The following IGDCC4 variants were observed in gnomAD, a reference collection of about 807,000 sequenced individuals.
IGDCC4 encodes immunoglobulin superfamily DCC subclass member 4, also known as likely ortholog of mouse neighbor of Punc E11.
In IGDCC4, 72 loss-of-function variants were observed where a neutral mutation model predicts 116.6. That is an observed-to-expected ratio of 0.62 (90% CI 0.51 to 0.75). The LOEUF (loss-of-function observed/expected upper bound fraction) is 0.75. Ranked by LOEUF, IGDCC4 falls within the 30% of genes least tolerant of loss-of-function variation. The pLI is 0.00. For missense variants in IGDCC4, 1,501 were observed against 1,662.4 expected, an observed-to-expected ratio of 0.90 and a Z score of 1.69; for synonymous variants, 709 against 719.9, an observed-to-expected ratio of 0.98 and a Z score of 0.24.
rs536531267 is a variant in IGDCC4 at position 65,382,448 on chromosome 15, C to T, written c.*1561G>A. On this transcript the variant is annotated 3_prime_UTR_variant, in exon 20 of 20. Transcript: ENST00000352385. ...AAAAGGAAAAATGGACTGGTTATTT[C>T]GAATTTGGCCCAGAAGGCAGAGTTA... 1.1e-3 allele frequency: 162 copies of T among 150,234 alleles called. No individual in the cohort carries two copies. The highest frequency in any genetic ancestry group is 3.8e-3 in the African/African-American group (155 of 40,676). 9.3% of individuals were successfully genotyped at this position (150,234 alleles called of 1,614,324 possible). A position where few individuals can be genotyped will look rare whatever the true frequency, so the allele number is the denominator to read the frequency against.
Position 65,393,471 on chromosome 15 carries a change from T to G in IGDCC4, c.1775A>C (p.Gln592Pro), listed in dbSNP as rs777784378. Residue 592 changes from glutamine (Q) to proline (P), a missense_variant, in exon 10 of 20, where the codon CAG becomes CCG. Around this residue, in one of 3 missense-constraint regions of IGDCC4, gnomAD observed 898 missense variants for 978.9 expected, o/e 0.92. Coordinates refer to ENST00000352385, the MANE Select transcript of IGDCC4 (RefSeq NM_020962.3). The surrounding 1 kb of genome is among the most constrained non-coding windows in gnomAD (Gnocchi z 4.6). ...CCGTACTCGATACACCTTGTTTGGC[T>G]GAAGCGAGTTCAGCATAAGCTGTGT... ...NETQLMLNSL[Q>P]PNKVYRVRIS... 1.4e-5 allele frequency: 22 copies of G among 1,613,234 alleles called. No individual in the cohort carries two copies. The highest frequency in any genetic ancestry group is 3.3e-4 in the Middle Eastern group (2 of 6,056).
At position 65,395,104 on chromosome 15, in the gene IGDCC4, T is replaced by C. The variant is rs1224316775; in HGVS notation, c.1566A>G (p.Thr522=). The part of the protein sequence containing the change: ...SRTSTPALVH[T]LDDVPSAAPQ... ...GTTCAGAGGCCCTACCATCATCCAG[T>C]GTGTGCACCAGTGCTGGGGTGGAGG... Residue 522 remains threonine (T), a synonymous_variant, in exon 8 of 20, where the codon ACA becomes ACG. Coordinates refer to ENST00000352385, the MANE Select transcript of IGDCC4 (RefSeq NM_020962.3). 6.2e-7 allele frequency: 1 copy of C among 1,608,536 alleles called. No individual in the cohort carries two copies. The highest frequency in any genetic ancestry group is 8.5e-7 in the Non-Finnish European group (1 of 1,175,768).
At chr15:65,412,460 C>T (rs547200611) in intron 1 of IGDCC4, among the ~76,000 whole-genome samples, 28 of 132,712 alleles carry the variant, frequency 2.1e-4, no homozygotes, top group South Asian at 7.1e-4. Flanking sequence ...TGCAGTGAGC[C>T]GAGATCGCCC....
intron 5 of IGDCC4, 120 bp downstream of exon 5, chr15:65,400,686 G>A (rs1429882957): frequency 6.2e-6 from 8 of 1,283,972 alleles, no homozygotes; most frequent in Non-Finnish European, 8.5e-6. Flanking sequence ...AGGAGTTCGT[G>A]CCACACCAGA....
rs2091425269 is a variant in IGDCC4 at position 65,383,837 on chromosome 15, T to C, written c.*172A>G. 3 of 559,462 alleles carry C rather than the reference T, an allele frequency of 5.4e-6. 1 individual carries two copies. Among genetic ancestry groups the C allele is most frequent in the Non-Finnish European group, 9.3e-6 (3 of 321,006 alleles). The allele number at this position is 559,462 out of a possible 1,614,324, so 34.7% of individuals were successfully genotyped here. A position where few individuals can be genotyped will look rare whatever the true frequency, so the allele number is the denominator to read the frequency against. ...TGTCACATGTGTATCACAAAGAGTA[T>C]GGGGGGAGTGAATAATCCATGTTTT... On this transcript the variant is annotated 3_prime_UTR_variant, in exon 20 of 20. Transcript: ENST00000352385.
At chr15:65,402,585 C>G in intron 3 of IGDCC4, 98 bp from the exon 4 acceptor site, 4 of 1,451,924 alleles carry the variant, frequency 2.8e-6, no homozygotes, top group Non-Finnish European at 3.7e-6. Flanking sequence ...TCTAAGATAC[C>G]AGGCTGGGCG....
chr15:65,400,654 C>T, intron 5 of IGDCC4, 152 bp downstream of exon 5: 1 of 937,362 alleles, frequency 1.1e-6, no homozygotes, highest in Non-Finnish European at 1.5e-6. Flanking sequence ...CCGACCTTGA[C>T]CACCACACCC....
At chr15:65,400,709 A>C in intron 5 of IGDCC4, 97 bp downstream of exon 5, 1 of 1,446,516 alleles carries the variant, frequency 6.9e-7, no homozygotes, top group Middle Eastern at 2.4e-4. Flanking sequence ...GTTCGTGACC[A>C]CTGGGTCGTC....
At chr15:65,386,113 G>GACCAGATCCCAGCCCC in intron 17 of IGDCC4, 54 bp from the exon 18 acceptor site, 1 of 1,184,898 alleles carries the variant, frequency 8.4e-7, no homozygotes, top group Non-Finnish European at 1.2e-6. Flanking sequence ...GGGTCAGGCG[G>GACCAGATCCCAGCCCC]GGCTGGGATC....
intron 5 of IGDCC4, among the ~76,000 whole-genome samples, chr15:65,398,533 C>CAAAAAAAAA (rs3082803): frequency 3.5e-4 from 27 of 77,522 alleles, no homozygotes; most frequent in South Asian, 1.0e-3. Flanking sequence ...AACTCCATCT[C>CAAAAAAAAA]AAAAAAAAAA....
chr15:65,393,635 C>T lies in IGDCC4; in HGVS notation c.1715-104G>A, dbSNP rs999447766. 20 of 1,240,454 alleles carry T rather than the reference C, an allele frequency of 1.6e-5. No individual in the cohort carries two copies. The highest frequency in any genetic ancestry group is 4.5e-5 in the African/African-American group (3 of 66,164). 76.8% of individuals were successfully genotyped at this position (1,240,454 alleles called of 1,614,324 possible). A position where few individuals can be genotyped will look rare whatever the true frequency, so the allele number is the denominator to read the frequency against. ...CCTCACATCCCGGTTCCTCCGTGCC[C>T]GTGGGAGCCTGAGGCGTTCTCAGCA... On this transcript the variant is annotated intron_variant, in intron 9 of 19. Coordinates refer to ENST00000352385, the MANE Select transcript of IGDCC4 (RefSeq NM_020962.3). The surrounding 1 kb of genome is among the most constrained non-coding windows in gnomAD (Gnocchi z 4.6).
At chr15:65,410,062 C>T in intron 3 of IGDCC4, 116 bp downstream of exon 3, 1 of 1,259,200 alleles carries the variant, frequency 7.9e-7, no homozygotes, top group Non-Finnish European at 1.1e-6. Flanking sequence ...GTGGTTAACA[C>T]TCAAGTCAGC....
At chr15:65,400,759 A>G in intron 5 of IGDCC4, 47 bp downstream of exon 5, 2 of 1,550,850 alleles carry the variant, frequency 1.3e-6, no homozygotes, top group South Asian at 2.5e-5. Context: ...GTGAGATGCC[A>G]CATCCCTCCC....
At chr15:65,400,745 G>A (rs1450659890) in intron 5 of IGDCC4, 61 bp downstream of exon 5, 10 of 1,539,504 alleles carry the variant, frequency 6.5e-6, no homozygotes, top group Non-Finnish European at 7.9e-6. Flanking sequence ...TGACTTAGGG[G>A]CATGTGAGAT....
In IGDCC4 at chr15:65,394,276, G is replaced by A. The variant is rs140800524; in HGVS notation, c.1714+135C>T. 1,254 of 1,401,526 alleles carry A rather than the reference G, an allele frequency of 8.9e-4. 15 individuals carry two copies. In the African/African-American group the frequency reaches 0.015, roughly 17 times the overall value. 86.8% of individuals were successfully genotyped at this position (1,401,526 alleles called of 1,614,324 possible). On this transcript the variant is annotated intron_variant, in intron 9 of 19. Transcript: ENST00000352385. ...TTCCTGCCCAGACCCCTGTTTTTCA[G>A]GTTCACCCTTCCCCAACCCCTACTC...
chr15:65,393,453 C>G lies in IGDCC4; in HGVS notation c.1793G>C (p.Arg598Pro). The G allele has an allele frequency of 6.2e-7, 1 of 1,613,760 alleles. No homozygotes were observed. The highest frequency in any genetic ancestry group is 8.5e-7 in the Non-Finnish European group (1 of 1,179,832). Reference sequence around the variant, plus strand: ...TGCTGTACCAGCCGAAATCCGTACTCGATACACCTTGTTTGGCTGAAGCGA... The same window carrying G: ...TGCTGTACCAGCCGAAATCCGTACTGGATACACCTTGTTTGGCTGAAGCGA... ...LNSLQPNKVY[R>P]VRISAGTAAG... Residue 598 changes from arginine to proline, a missense_variant, in exon 10 of 20, where the codon CGA becomes CCA. Coordinates refer to ENST00000352385, the MANE Select transcript of IGDCC4 (RefSeq NM_020962.3). The surrounding 1 kb of genome is among the most constrained non-coding windows in gnomAD (Gnocchi z 4.6).
chr15:65,384,015 AGAG>A lies in IGDCC4; in HGVS notation c.3744_3746del (p.Ser1249del), dbSNP rs755940500. The A allele has an allele frequency of 4.5e-5, 72 of 1,588,558 alleles. No individual in the cohort carries two copies. The highest frequency in any genetic ancestry group is 6.0e-5 in the Non-Finnish European group (70 of 1,162,696). On this transcript the variant is annotated inframe_deletion, in exon 20 of 20. Transcript: ENST00000352385. The surrounding 1 kb of genome is among the most constrained non-coding windows in gnomAD (Gnocchi z 4.9). ...CCACATCCTCTGGGAAGAGCTAGGC[AGAG>A]GAGGAGACCGGGGATCTGGGCAGGC...
chr15:65,405,310 T>G (rs908933819), intron 3 of IGDCC4, among the ~76,000 whole-genome samples: 37 of 66,648 alleles, frequency 5.6e-4, no homozygotes, highest in East Asian at 2.6e-3. Flanking sequence ...GTTAAGTGGG[T>G]TTTTTTTTTT....
Position 65,395,972 on chromosome 15 carries a change from G to C in IGDCC4, c.1189C>G (p.Leu397Val). 2 of 1,581,688 alleles carry C rather than the reference G, an allele frequency of 1.3e-6. No homozygotes were observed. The highest frequency in any genetic ancestry group is 1.7e-6 in the Non-Finnish European group (2 of 1,171,874). Residue 397 changes from leucine (L) to valine (V), a missense_variant, in exon 7 of 20, where the codon CTG becomes GTG. Physicochemically the swap from Leu to Val is conservative, Grantham distance 32. Transcript: ENST00000352385. The part of the protein sequence containing the change: ...GGSLVITQIG[L>V]QDAGYYQCVA... Reference sequence around the variant, plus strand: ...CACTGGTAGTAGCCGGCGTCCTGCAGGCCGATCTGTGTGATGACCAGGCTG... The same window carrying C: ...CACTGGTAGTAGCCGGCGTCCTGCACGCCGATCTGTGTGATGACCAGGCTG...
Sources: allele counts gnomAD v4.1 joint callset (sites outside exome capture counted in the v4.1 genomes callset), GRCh38; gene constraint gnomAD v4.1.1; regional missense constraint gnomAD v4.1.1; non-coding constraint Gnocchi (gnomAD v3.1); transcripts MANE v1.5; gene names NCBI Gene and HGNC (gene_info 2026-07-23, HGNC 2026-07-21).